SNX1: variants seen among roughly 807,000 people sequenced by gnomAD.
The protein encoded by SNX1 is sorting nexin 1, also known as sorting nexin-1.
A neutral mutation model predicts 71.8 loss-of-function variants in SNX1; 36 were observed. The observed-to-expected ratio is 0.50, with a 90% CI of 0.38 to 0.66. The LOEUF is 0.66. Among genes scored for constraint, SNX1 ranks in the 30% least tolerant of loss-of-function variants. The pLI is 0.00. For synonymous variants in SNX1, 254 were observed against 240.7 expected (o/e 1.06, Z -0.51); for missense variants, 612 against 646.7 (o/e 0.95, Z 0.58).
intron 2 of SNX1, chr15:64,115,635 C>A: frequency 5.7e-6 from 2 of 352,356 alleles, no homozygotes; most frequent in South Asian, 4.1e-5. Context: ...GTGGTCATGG[C>A]TCACTGCAGC....
intron 1 of SNX1, among the ~76,000 whole-genome samples, chr15:64,108,673 A>G (rs2081047424): frequency 1.3e-5 from 2 of 152,186 alleles, no homozygotes; most frequent in Non-Finnish European, 2.9e-5. Context: ...GCTGGAAATA[A>G]ATTTGATAAG....
At chr15:64,103,873 GGTGT>G (rs1470140103) in intron 1 of SNX1, among the ~76,000 whole-genome samples, 1 of 152,050 alleles carries the variant, frequency 6.6e-6, no homozygotes, top group African/African-American at 2.4e-5. Flanking sequence ...TTTAAACAAA[GGTGT>G]ATCACTTAGT....
At chr15:64,119,064 G>A (rs904640224) in intron 4 of SNX1, among the ~76,000 whole-genome samples, 2 of 151,370 alleles carry the variant, frequency 1.3e-5, no homozygotes, top group Admixed American at 6.6e-5. Flanking sequence ...TTGGCTTCAG[G>A]AAGAAAAATC....
intron 4 of SNX1, among the ~76,000 whole-genome samples, chr15:64,119,406 G>A (rs1382745244): frequency 6.6e-6 from 1 of 152,062 alleles, no homozygotes; most frequent in African/African-American, 2.4e-5. Flanking sequence ...ACAGGCATGA[G>A]CCACCGCACC....
chr15:64,115,441 T>C (rs1185960768), intron 2 of SNX1: 4 of 289,168 alleles, frequency 1.4e-5, no homozygotes, highest in African/African-American at 2.3e-5. Flanking sequence ...GAGTCTCTCA[T>C]GGAGCCTGAA....
chr15:64,113,442 ACT>A (rs1781212530), intron 2 of SNX1, among the ~76,000 whole-genome samples: 1 of 151,938 alleles, frequency 6.6e-6, no homozygotes, highest in Admixed American at 6.6e-5. Flanking sequence ...GCTGCTAAAC[ACT>A]CTGTACACAG....
chr15:64,099,280 A>G (rs2080934469), intron 1 of SNX1, among the ~76,000 whole-genome samples: 2 of 152,184 alleles, frequency 1.3e-5, no homozygotes, highest in Non-Finnish European at 1.5e-5. Flanking sequence ...TACCTCCACC[A>G]CTATTGTGAA....
chr15:64,105,218 CAAA>C (rs5813278), intron 1 of SNX1, among the ~76,000 whole-genome samples: 2 of 141,830 alleles, frequency 1.4e-5, no homozygotes, highest in Admixed American at 7.0e-5. Flanking sequence ...GACTCTGTCT[CAAA>C]AAAAAAAAAA....
chr15:64,117,635 A>G (rs1035425438), intron 2 of SNX1, among the ~76,000 whole-genome samples: 5 of 152,182 alleles, frequency 3.3e-5, no homozygotes, highest in African/African-American at 1.2e-4. Context: ...TAAAATTGAC[A>G]GACTAAATTA....
At chr15:64,135,716 G>A (rs1210145092) in intron 12 of SNX1, among the ~76,000 whole-genome samples, 4 of 139,772 alleles carry the variant, frequency 2.9e-5, no homozygotes, top group Admixed American at 1.5e-4. Flanking sequence ...CTGAGATCAC[G>A]CCACTGCACT....
chr15:64,122,214 A>G (rs2081203123), intron 4 of SNX1, among the ~76,000 whole-genome samples: 1 of 151,344 alleles, frequency 6.6e-6, no homozygotes, highest in African/African-American at 2.4e-5. Context: ...GACCATAACT[A>G]TTCTGCTGTG....
chr15:64,110,481 C>G (rs769884636), intron 1 of SNX1, among the ~76,000 whole-genome samples: 2 of 152,164 alleles, frequency 1.3e-5, no homozygotes, highest in Non-Finnish European at 2.9e-5. Context: ...ACTGCAACCT[C>G]GACCTCCTGG....
At chr15:64,127,105 T>TAAA in intron 6 of SNX1, 69 bp from the exon 7 acceptor site, 1 of 1,085,134 alleles carries the variant, frequency 9.2e-7, no homozygotes. Flanking sequence ...TGTTGACACT[T>TAAA]AAAAAAAAAA....
rs1484348118 is a variant in SNX1, at chr15:64,112,720, C to T, written c.271+36C>T. ...ACTCAAAAGTTACTCTAGGAACCTC[C>T]TAAATGGCTTTGTTAAGTTGCTGAG... On this transcript the variant is annotated intron_variant, in intron 2 of 14. Transcript: ENST00000559844. 4.4e-6 allele frequency: 6 copies of T among 1,350,274 alleles called. No individual in the cohort carries two copies. The Admixed American group carries it at 1.0e-4, about 23-fold the overall frequency. The allele number at this position is 1,350,274 out of a possible 1,614,324, so 83.6% of individuals were successfully genotyped here.
chr15:64,108,271 ATAAAG>A (rs1307717589), intron 1 of SNX1, among the ~76,000 whole-genome samples: 2 of 151,986 alleles, frequency 1.3e-5, no homozygotes, highest in African/African-American at 4.8e-5. Flanking sequence ...TACGTTCTTT[ATAAAG>A]TACTGTGGGT....
Position 64,102,339 on chromosome 15 carries a change from C to T in SNX1, c.159+6167C>T, listed in dbSNP as rs1030492268. Among the ~76,000 whole-genome samples, 3 of 151,720 alleles carry T rather than the reference C, an allele frequency of 2.0e-5. No homozygotes were observed. In the East Asian group the frequency reaches 5.8e-4, roughly 29 times the overall value. ...GATATCTGTATACAAAGTGTGATGA[C>T]CAAATCAAGGAATTTGGGATATTCA... On this transcript the variant is annotated intron_variant, in intron 1 of 14. Transcript: ENST00000559844.
At chr15:64,106,012 T>G (rs968594198) in intron 1 of SNX1, among the ~76,000 whole-genome samples, 3 of 152,192 alleles carry the variant, frequency 2.0e-5, no homozygotes, top group African/African-American at 7.2e-5. Context: ...GGAAACCAAT[T>G]ATATTGAAAT....
rs200079069 is a variant in SNX1, at chr15:64,118,231, C to A, written c.386C>A (p.Pro129Gln). Residue 129 changes from proline to glutamine, a missense_variant, in exon 3 of 15, where the codon CCA (proline) becomes CAA (glutamine). By Grantham distance (76) the Pro-to-Gln change is moderately conservative. Around this residue, in one of 2 missense-constraint regions of SNX1, gnomAD observed 316 missense variants for 284.9 expected, o/e 1.11. Coordinates refer to ENST00000559844, the MANE Select transcript of SNX1 (RefSeq NM_003099.5). ...GCCACAAATTCTTCGAAGCCCCAGC[C>A]AACCTATGAGGAGGTGAGGATCTGT... ...QEATNSSKPQPTYEELEEEEQ... is the reference protein window; with the variant it reads ...QEATNSSKPQQTYEELEEEEQ... 37 of 1,613,386 alleles carry A rather than the reference C, an allele frequency of 2.3e-5. No individual in the cohort carries two copies. Among genetic ancestry groups the A allele is most frequent in the Non-Finnish European group, 2.5e-5 (30 of 1,179,838 alleles).
intron 1 of SNX1, among the ~76,000 whole-genome samples, chr15:64,105,145 G>C (rs769551703): frequency 2.7e-5 from 4 of 150,344 alleles, no homozygotes; most frequent in Non-Finnish European, 5.9e-5. Context: ...TGAGGCATGA[G>C]AATCGCTTGA....
Sources: gnomAD v4.1 joint callset for allele counts (sites outside exome capture counted in the v4.1 genomes callset) on GRCh38, gnomAD v4.1.1 for gene constraint, gnomAD v4.1.1 regional missense constraint, MANE v1.5 for transcripts, NCBI Gene and HGNC (gene_info 2026-07-23, HGNC 2026-07-21) for gene names.